The following AVEN variants were observed in gnomAD, a reference collection of about 807,000 sequenced individuals.
The protein encoded by AVEN is apoptosis and caspase activation inhibitor.
A neutral mutation model predicts 38.1 loss-of-function variants in AVEN; 41 were observed. The observed-to-expected ratio is 1.08, with a 90% CI of 0.84 to 1.40. The LOEUF (loss-of-function observed/expected upper bound fraction) is 1.40, where lower values mean the gene tolerates loss of function less well. Among genes scored for constraint, AVEN ranks in the 40% most tolerant of loss-of-function variants. The pLI is 0.00. For synonymous variants in AVEN, 206 were observed against 171.8 expected (o/e 1.20, Z -1.56); for missense variants, 605 against 438.8 (o/e 1.38, Z -3.38).
chr15:34,057,052 G>A (rs977027452), intron 5 of AVEN, among the ~76,000 whole-genome samples: 1 of 151,984 alleles, frequency 6.6e-6, no homozygotes, highest in African/African-American at 2.4e-5. Flanking sequence ...GTTTGTGGTC[G>A]TGAAAATATT....
chr15:33,976,556 C>T (rs896914433), intron 2 of AVEN, among the ~76,000 whole-genome samples: 2 of 152,170 alleles, frequency 1.3e-5, no homozygotes, highest in African/African-American at 2.4e-5. Flanking sequence ...GTAGACAACA[C>T]ACTTTTATTC....
At chr15:34,061,157 A>C (rs1184112371) in intron 5 of AVEN, among the ~76,000 whole-genome samples, 2 of 152,150 alleles carry the variant, frequency 1.3e-5, no homozygotes, top group African/African-American at 2.4e-5. Flanking sequence ...GTTACCTCTG[A>C]AAATGGGGAG....
intron 2 of AVEN, among the ~76,000 whole-genome samples, chr15:33,984,811 T>C (rs545995551): frequency 1.0e-3 from 156 of 152,266 alleles, no homozygotes; most frequent in Non-Finnish European, 1.8e-3. Flanking sequence ...ATAGGGACCT[T>C]TGATGCAGTA....
At chr15:34,012,784 C>A (rs1897690360) in intron 1 of AVEN, among the ~76,000 whole-genome samples, 1 of 152,194 alleles carries the variant, frequency 6.6e-6, no homozygotes, top group Non-Finnish European at 1.5e-5. Context: ...CTAGAAGGAA[C>A]CTAGATAGGT....
intron 2 of AVEN, among the ~76,000 whole-genome samples, chr15:33,905,968 AT>A (rs1892685566): frequency 6.6e-6 from 1 of 152,054 alleles, no homozygotes; most frequent in South Asian, 2.1e-4. Context: ...TCTTTCTTCT[AT>A]TTCTAGATTT....
chr15:33,894,965 T>C (rs1892172842), intron 2 of AVEN, among the ~76,000 whole-genome samples: 1 of 151,788 alleles, frequency 6.6e-6, no homozygotes, highest in South Asian at 2.1e-4. Context: ...AAAGGTGCCA[T>C]CTGGAAATTA....
chr15:33,996,478 T>C (rs1896941095), intron 2 of AVEN, among the ~76,000 whole-genome samples: 1 of 152,154 alleles, frequency 6.6e-6, no homozygotes, highest in Non-Finnish European at 1.5e-5. Context: ...GGACGAAGCT[T>C]CCAGAGGAAG....
At chr15:33,854,647 C>A, downstream of AVEN, 1 of 1,319,072 alleles carries the variant, frequency 7.6e-7, no homozygotes, top group Non-Finnish European at 1.0e-6. Flanking sequence ...CAGCTCACAG[C>A]ACCTCAGCAC....
chr15:34,000,627 C>CT (rs1243525110), intron 2 of AVEN, among the ~76,000 whole-genome samples: 1 of 152,158 alleles, frequency 6.6e-6, no homozygotes, highest in East Asian at 1.9e-4. Context: ...GTCAGCTTAC[C>CT]TAGAAAACAC....
downstream of AVEN, chr15:33,854,655 C>T: frequency 7.9e-6 from 11 of 1,384,908 alleles, no homozygotes; most frequent in Non-Finnish European, 1.1e-5. Flanking sequence ...AGCACCTCAG[C>T]ACCTAAACCC....
At chr15:33,929,294 C>T (rs1016966333) in intron 2 of AVEN, among the ~76,000 whole-genome samples, 1 of 152,178 alleles carries the variant, frequency 6.6e-6, no homozygotes, top group Non-Finnish European at 1.5e-5. Flanking sequence ...TCCGCTGAGG[C>T]ATATAAATGT....
rs144530675 is a variant in AVEN at position 33,875,888 on chromosome 15, A to G, written c.516+37T>C. The G allele has an allele frequency of 1.8e-5, 28 of 1,570,428 alleles. No homozygotes were observed. The African/African-American group carries it at 2.2e-4, about 12-fold the overall frequency. On this transcript the variant is annotated intron_variant, in intron 3 of 5. Coordinates refer to ENST00000306730, the MANE Select transcript of AVEN (RefSeq NM_020371.3). ...AAGGTGTTAGCCTTCAGCCTTGAAG[A>G]AGAGCCAGTCCACACTTAACACAAC...
intron 2 of AVEN, among the ~76,000 whole-genome samples, chr15:33,947,684 AT>A (rs1270234584): frequency 4.6e-5 from 7 of 152,190 alleles, no homozygotes; most frequent in South Asian, 2.1e-4. Flanking sequence ...TAGTTTTACT[AT>A]TTTTTTATAT....
chr15:33,954,673 G>T (rs1005208135), intron 2 of AVEN, among the ~76,000 whole-genome samples: 1 of 130,294 alleles, frequency 7.7e-6, no homozygotes, highest in Non-Finnish European at 1.6e-5. Flanking sequence ...GAGGGGGGAG[G>T]GAATAGCATT....
chr15:33,883,015 T>C (rs1020067546), intron 2 of AVEN, among the ~76,000 whole-genome samples: 2 of 152,330 alleles, frequency 1.3e-5, no homozygotes, highest in Non-Finnish European at 2.9e-5. Flanking sequence ...ATTTCTAGGA[T>C]TGCTTCATTA....
chr15:33,952,576 G>A (rs1413580086), intron 2 of AVEN, among the ~76,000 whole-genome samples: 2 of 152,162 alleles, frequency 1.3e-5, no homozygotes, highest in South Asian at 2.1e-4. Context: ...AGAGTATTAC[G>A]TCTTTTTTAA....
At chr15:34,049,111 A>G (rs1238476442) in intron 5 of AVEN, among the ~76,000 whole-genome samples, 1 of 152,214 alleles carries the variant, frequency 6.6e-6, no homozygotes, top group African/African-American at 2.4e-5. Flanking sequence ...ATTCAACACA[A>G]AAATGCTGAA....
intron 2 of AVEN, among the ~76,000 whole-genome samples, chr15:33,940,962 T>C (rs1894298158): frequency 6.6e-6 from 1 of 152,226 alleles, no homozygotes; most frequent in African/African-American, 2.4e-5. Flanking sequence ...TGTTCCACGG[T>C]TTCTTTACAG....
At chr15:34,017,129 AGGG>A (rs66703947) in intron 1 of AVEN, among the ~76,000 whole-genome samples, 1 of 151,162 alleles carries the variant, frequency 6.6e-6, no homozygotes, top group Non-Finnish European at 1.5e-5. Context: ...CTCTGTCTCA[AGGG>A]GGAAAAAAAA....
Sources: gnomAD v4.1 joint callset for allele counts (sites outside exome capture counted in the v4.1 genomes callset) on GRCh38, gnomAD v4.1.1 for gene constraint, MANE v1.5 for transcripts, NCBI Gene and HGNC (gene_info 2026-07-23, HGNC 2026-07-21) for gene names.